Variants in PAM observed in about 807,000 individuals in gnomAD.
PAM encodes peptidyl-glycine alpha-amidating monooxygenase.
PAM carries 72 observed loss-of-function variants against 122.1 expected under a neutral mutation model. The ratio of observed to expected loss-of-function variants is 0.59; its 90% confidence interval spans 0.49 to 0.72. The LOEUF is 0.72. Among genes scored for constraint, PAM ranks in the 30% least tolerant of loss-of-function variants. The pLI, the probability that PAM is intolerant of heterozygous loss-of-function variation, is 0.00. For missense variants in PAM, 1,106 were observed against 1,183.7 expected (o/e 0.93, Z 0.96); for synonymous variants, 389 against 404.4 (o/e 0.96, Z 0.46).
intron 1 of PAM, among the ~76,000 whole-genome samples, chr5:102,812,550 AACT>A (rs757124961): frequency 1.9e-4 from 29 of 152,256 alleles, no homozygotes; most frequent in Admixed American, 5.9e-4. Flanking sequence ...CCTGGAGAAA[AACT>A]AAATAGTACC....
At chr5:102,884,117 A>G (rs1792213780) in intron 3 of PAM, among the ~76,000 whole-genome samples, 1 of 151,934 alleles carries the variant, frequency 6.6e-6, no homozygotes, top group African/African-American at 2.4e-5. Context: ...TAAGTTATAA[A>G]GAGTCACATC....
chr5:102,780,651 C>A (rs1386244730), intron 1 of PAM, among the ~76,000 whole-genome samples: 2 of 152,142 alleles, frequency 1.3e-5, no homozygotes, highest in African/African-American at 2.4e-5. Flanking sequence ...CCAGCCCTGA[C>A]AACCAGATTT....
chr5:102,808,360 G>A (rs947672293), intron 1 of PAM: 3 of 152,152 alleles, frequency 2.0e-5, no homozygotes, highest in African/African-American at 4.8e-5. Context: ...CAATTACTTA[G>A]AACAGATTTG....
intron 15 of PAM, among the ~76,000 whole-genome samples, chr5:102,975,341 G>T (rs1767275315): frequency 6.6e-6 from 1 of 151,980 alleles, no homozygotes; most frequent in Admixed American, 6.6e-5. Context: ...ACACCCAGCT[G>T]ATTTTTATTT....
At chr5:102,833,489 A>G (rs1561573794) in intron 1 of PAM, among the ~76,000 whole-genome samples, 2 of 152,202 alleles carry the variant, frequency 1.3e-5, no homozygotes, top group Admixed American at 6.5e-5. Context: ...TGGAAGGGAA[A>G]GAACACGTTG....
At chr5:102,861,187 G>A (rs1175116656) in intron 1 of PAM, among the ~76,000 whole-genome samples, 1 of 152,118 alleles carries the variant, frequency 6.6e-6, no homozygotes, top group Non-Finnish European at 1.5e-5. Context: ...TCAGATGACT[G>A]CAGTTCTGGT....
intron 4 of PAM, among the ~76,000 whole-genome samples, chr5:102,913,620 T>C (rs948567366): frequency 9.2e-5 from 14 of 152,014 alleles, no homozygotes; most frequent in African/African-American, 3.4e-4. Flanking sequence ...ATACTGTGAA[T>C]ACATAGCCTG....
intron 15 of PAM, among the ~76,000 whole-genome samples, chr5:102,987,090 TG>T (rs2150713832): frequency 6.6e-6 from 1 of 152,308 alleles, no homozygotes; most frequent in Admixed American, 6.5e-5. Context: ...AAGGGATAAC[TG>T]TACCCCCATG....
chr5:102,788,957 A>G (rs1355159206), intron 1 of PAM, among the ~76,000 whole-genome samples: 2 of 152,148 alleles, frequency 1.3e-5, no homozygotes, highest in Non-Finnish European at 2.9e-5. Context: ...CTGTTGGTTG[A>G]CACTAACGGT....
intron 5 of PAM, among the ~76,000 whole-genome samples, chr5:102,922,300 C>T (rs987645706): frequency 1.3e-5 from 2 of 151,922 alleles, no homozygotes; most frequent in African/African-American, 2.4e-5. Context: ...GGATGGGGGT[C>T]GGAGAACACT....
chr5:102,942,654 C>T (rs1240186919), intron 7 of PAM, among the ~76,000 whole-genome samples: 3 of 151,396 alleles, frequency 2.0e-5, no homozygotes, highest in Admixed American at 2.0e-4. Flanking sequence ...GTGATCATGG[C>T]TTACTGCAGC....
chr5:102,940,328 C>G (rs1754743954), intron 7 of PAM, among the ~76,000 whole-genome samples: 1 of 151,190 alleles, frequency 6.6e-6, no homozygotes, highest in Non-Finnish European at 1.5e-5. Flanking sequence ...CTAGTACTTT[C>G]TTTATGGTTT....
At chr5:102,894,692 G>C (rs1006764900) in intron 3 of PAM, among the ~76,000 whole-genome samples, 2 of 151,646 alleles carry the variant, frequency 1.3e-5, no homozygotes, top group African/African-American at 4.8e-5. Flanking sequence ...AACATGTTCA[G>C]TGCCAAATTC....
chr5:102,787,398 A>C (rs1760818394), intron 1 of PAM, among the ~76,000 whole-genome samples: 2 of 152,040 alleles, frequency 1.3e-5, no homozygotes, highest in Non-Finnish European at 2.9e-5. Flanking sequence ...TTCACTAAGC[A>C]CAGGAAATCT....
chr5:102,948,920 G>A (rs748816955), intron 9 of PAM, among the ~76,000 whole-genome samples: 2 of 152,002 alleles, frequency 1.3e-5, no homozygotes, highest in Non-Finnish European at 2.9e-5. Context: ...CTTACTAGAA[G>A]CGATGAGAAT....
chr5:102,857,451 C>T (rs1009173062), intron 1 of PAM, among the ~76,000 whole-genome samples: 12 of 152,258 alleles, frequency 7.9e-5, no homozygotes, highest in Non-Finnish European at 1.8e-4. Context: ...AAAACCCATG[C>T]AGGCCAAACC....
chr5:102,934,201 G>T (rs1048165961), intron 7 of PAM, among the ~76,000 whole-genome samples: 1 of 152,086 alleles, frequency 6.6e-6, no homozygotes, highest in African/African-American at 2.4e-5. Context: ...TGACATAGAC[G>T]TCCAAAAGCA....
intron 1 of PAM, among the ~76,000 whole-genome samples, chr5:102,767,476 G>T (rs1754450826): frequency 6.6e-6 from 1 of 152,076 alleles, no homozygotes; most frequent in Non-Finnish European, 1.5e-5. Flanking sequence ...TTATGTACCT[G>T]GCTTGCCAGT....
chr5:102,778,105 G>A (rs1757675395), intron 1 of PAM, among the ~76,000 whole-genome samples: 1 of 152,140 alleles, frequency 6.6e-6, no homozygotes, highest in Non-Finnish European at 1.5e-5. Flanking sequence ...AAAATTAAAG[G>A]AGAAAGCCTG....
Sources: gnomAD v4.1 joint callset for allele counts (sites outside exome capture counted in the v4.1 genomes callset) on GRCh38, gnomAD v4.1.1 for gene constraint, MANE v1.5 for transcripts, NCBI Gene and HGNC (gene_info 2026-07-23, HGNC 2026-07-21) for gene names.